The following DAW1 variants were observed in gnomAD, a reference collection of about 807,000 sequenced individuals.
DAW1 encodes the protein dynein assembly factor with WD repeat domains 1.
DAW1 carries 47 observed loss-of-function variants against 56.5 expected under a neutral mutation model. That is an observed-to-expected ratio of 0.83 (90% CI 0.66 to 1.06). The LOEUF (loss-of-function observed/expected upper bound fraction) is 1.06, where lower values mean the gene tolerates loss of function less well. Ranked by LOEUF, DAW1 falls within the 50% of genes least tolerant of loss-of-function variation. DAW1 has a pLI of 0.00. For synonymous variants in DAW1, 190 were observed against 179.0 expected, an observed-to-expected ratio of 1.06 and a Z score of -0.49; for missense variants, 505 against 499.3, an observed-to-expected ratio of 1.01 and a Z score of -0.11.
intron 10 of DAW1, among the ~76,000 whole-genome samples, chr2:227,912,078 C>T (rs184589728): frequency 2.8e-4 from 43 of 152,272 alleles, no homozygotes; most frequent in Admixed American, 1.0e-3. Context: ...TACTGTGCTA[C>T]GCTATGCTCT....
chr2:227,903,425 C>A (rs1461774724), intron 7 of DAW1, among the ~76,000 whole-genome samples: 1 of 152,188 alleles, frequency 6.6e-6, no homozygotes, highest in Admixed American at 6.5e-5. Context: ...ACTGGAGAAC[C>A]ATGACAAGAG....
intron 2 of DAW1, 59 bp from the exon 3 acceptor site, chr2:227,889,797 A>T: frequency 7.1e-7 from 1 of 1,410,842 alleles, no homozygotes; most frequent in South Asian, 1.5e-5. Context: ...TTCATGTAAT[A>T]TAGGTATATG....
Position 227,918,797 on chromosome 2 carries a change from AGTG to A in DAW1, c.992_994del (p.Ser331_Ala332delinsThr). On this transcript the variant is annotated inframe_deletion, in exon 11 of 13. Transcript: ENST00000309931. ...TCAAAAAGGAACAGCAAGAATTTTC[AGTG>A]CTGCCACAAGAAAATGCATTGCCAA... The A allele has an allele frequency of 1.2e-6, 2 of 1,614,188 alleles. No homozygotes were observed. The highest frequency in any genetic ancestry group is 1.7e-6 in the Non-Finnish European group (2 of 1,180,018).
intron 10 of DAW1, among the ~76,000 whole-genome samples, chr2:227,912,862 C>T (rs1364741334): frequency 2.0e-5 from 3 of 152,138 alleles, no homozygotes; most frequent in Admixed American, 1.3e-4. Context: ...GTATGCTACA[C>T]TATCACTCCA....
intron 7 of DAW1, among the ~76,000 whole-genome samples, chr2:227,903,381 G>A (rs760968846): frequency 2.8e-4 from 43 of 152,304 alleles, no homozygotes; most frequent in Non-Finnish European, 5.3e-4. Flanking sequence ...TAAAAGGAAA[G>A]CAGGTGGAGG....
chr2:227,912,572 C>T, intron 10 of DAW1: 13 of 1,182,854 alleles, frequency 1.1e-5, no homozygotes, highest in East Asian at 6.6e-5. Flanking sequence ...CATTGCTACA[C>T]TTTGTGTTTG....
chr2:227,906,406 T>C (rs1411451678), intron 9 of DAW1, 68 bp downstream of exon 9: 2 of 1,007,536 alleles, frequency 2.0e-6, no homozygotes, highest in Non-Finnish European at 2.8e-6. Flanking sequence ...CAGATATCCA[T>C]TGTAACATTA....
At chr2:227,894,027 A>G in intron 5 of DAW1, 110 bp downstream of exon 5, 1 of 1,233,628 alleles carries the variant, frequency 8.1e-7, no homozygotes, top group Non-Finnish European at 1.1e-6. Context: ...AGTGCTTGGT[A>G]TGTGCTTTGG....
At chr2:227,872,100 A>C (rs1169872740) in intron 1 of DAW1, 1 of 232,146 alleles carries the variant, frequency 4.3e-6, no homozygotes, top group Non-Finnish European at 8.4e-6. Context: ...TTACTTAGTA[A>C]CATAAGCAAT....
chr2:227,918,599 C>G (rs866268370), intron 10 of DAW1, among the ~76,000 whole-genome samples, 181 bp from the exon 11 acceptor site: 1 of 152,186 alleles, frequency 6.6e-6, no homozygotes, highest in African/African-American at 2.4e-5. Flanking sequence ...CTCACCCTCT[C>G]CTGCAATGGG....
chr2:227,901,803 G>A (rs1007670804), intron 6 of DAW1, among the ~76,000 whole-genome samples: 2 of 152,130 alleles, frequency 1.3e-5, no homozygotes, highest in African/African-American at 4.8e-5. Flanking sequence ...GAGTTGCTAA[G>A]AGGGGTACAT....
At chr2:227,920,804 G>A (rs1411451847) in intron 11 of DAW1, among the ~76,000 whole-genome samples, 2 of 152,154 alleles carry the variant, frequency 1.3e-5, no homozygotes, top group African/African-American at 4.8e-5. Flanking sequence ...AGCCTCCCCA[G>A]TAGCTGGAAT....
intron 1 of DAW1, among the ~76,000 whole-genome samples, chr2:227,874,326 A>T (rs978026520): frequency 4.6e-5 from 7 of 152,192 alleles, no homozygotes; most frequent in African/African-American, 1.7e-4. Context: ...CCAGCTTCTT[A>T]TCTTATTTGA....
At chr2:227,876,802 T>C (rs1427320537) in intron 1 of DAW1, among the ~76,000 whole-genome samples, 2 of 152,210 alleles carry the variant, frequency 1.3e-5, no homozygotes, top group African/African-American at 4.8e-5. Flanking sequence ...GCTCTTTGCT[T>C]TGGGGAGAGT....
intron 2 of DAW1, among the ~76,000 whole-genome samples, 178 bp downstream of exon 2, chr2:227,885,601 A>G (rs1021683789): frequency 6.6e-6 from 1 of 152,176 alleles, no homozygotes; most frequent in African/African-American, 2.4e-5. Context: ...TGCTGAATGA[A>G]GAGGAAGTGG....
At chr2:227,901,016 A>G (rs4973478) in intron 6 of DAW1, among the ~76,000 whole-genome samples, 147,641 of 152,294 alleles carry the variant, frequency 0.97, 71,718 homozygotes, top group East Asian at 1. Flanking sequence ...AGACTTTTTG[A>G]CTAGGAGATG....
In DAW1 at chr2:227,890,639, G is replaced by C. The variant is rs139194468; in HGVS notation, c.259-616G>C. Among the ~76,000 whole-genome samples the C allele has an allele frequency of 4.1e-3, 629 of 152,202 alleles. 6 individuals carry two copies. Among genetic ancestry groups the C allele is most frequent in the African/African-American group, 0.014 (588 of 41,528 alleles). On this transcript the variant is annotated intron_variant, in intron 3 of 12. Transcript: ENST00000309931. ...CCTGATACAAAATATCCAGGCATTC[G>C]TTTCTGGAAGAGGATGTTATAGTCT...
At chr2:227,917,347 A>G (rs2396513) in intron 10 of DAW1, among the ~76,000 whole-genome samples, 72,917 of 149,470 alleles carry the variant, frequency 0.49, 18,140 homozygotes, top group Middle Eastern at 0.64. Context: ...TGCAAGCTCC[A>G]CCTCCTGGGT....
At chr2:227,909,658 A>G (rs1003942248) in intron 10 of DAW1, among the ~76,000 whole-genome samples, 1 of 152,124 alleles carries the variant, frequency 6.6e-6, no homozygotes, top group African/African-American at 2.4e-5. Flanking sequence ...AAAACTTGAG[A>G]GAACTGAGGA....
Sources: allele counts gnomAD v4.1 joint callset (sites outside exome capture counted in the v4.1 genomes callset), GRCh38; gene constraint gnomAD v4.1.1; transcripts MANE v1.5; gene names NCBI Gene and HGNC (gene_info 2026-07-23, HGNC 2026-07-21).